The following MICAL3 variants were observed in gnomAD, a reference collection of about 807,000 sequenced individuals.
MICAL3 encodes the protein [F-actin]-monooxygenase MICAL3.
MICAL3 carries 62 observed loss-of-function variants against 207.4 expected under a neutral mutation model. The observed-to-expected ratio is 0.30, with a 90% CI of 0.24 to 0.37. The LOEUF is 0.37. Among genes scored for constraint, MICAL3 ranks in the 10% least tolerant of loss-of-function variants. The pLI, the probability that MICAL3 is intolerant of heterozygous loss-of-function variation, is 1.00. For missense variants in MICAL3, 2,368 were observed against 2,635.6 expected (o/e 0.90, Z 2.22); for synonymous variants, 1,077 against 1,069.3 (o/e 1.01, Z -0.14).
intron 1 of MICAL3, among the ~76,000 whole-genome samples, chr22:17,968,458 C>A (rs149593747): frequency 6.6e-6 from 1 of 152,166 alleles, no homozygotes; most frequent in Non-Finnish European, 1.5e-5. Flanking sequence ...AGACTCAAAC[C>A]GGAGACCTCA....
intron 15 of MICAL3, 63 bp downstream of exon 15, chr22:17,887,107 G>T: frequency 1.6e-6 from 2 of 1,289,548 alleles, no homozygotes; most frequent in Non-Finnish European, 2.2e-6. Flanking sequence ...TGGAAATGAA[G>T]AATTTTAACC....
Position 17,943,422 on chromosome 22 carries a change from C to G in MICAL3, c.-74-36536G>C, listed in dbSNP as rs550209601. ...CAGGTGATCCACCCACCTCAGCCTC[C>G]CAAAGTGCTGGGATTACAGGCATGA... On this transcript the variant is annotated intron_variant, in intron 1 of 31. Coordinates refer to ENST00000441493, the MANE Select transcript of MICAL3 (RefSeq NM_015241.3). 7.2e-5 allele frequency among the ~76,000 whole-genome samples: 11 copies of G among 152,330 alleles called. No homozygotes were observed. In the East Asian group the frequency reaches 1.9e-3, roughly 27 times the overall value.
intron 1 of MICAL3, among the ~76,000 whole-genome samples, chr22:17,982,174 A>G (rs1209880444): frequency 6.6e-6 from 1 of 152,152 alleles, no homozygotes; most frequent in Non-Finnish European, 1.5e-5. Context: ...TCACTACTGA[A>G]TTCCCAGCAT....
chr22:17,810,718 C>T lies in MICAL3; in HGVS notation c.5541G>A (p.Arg1847=), dbSNP rs1218349614. ...ATGGTTTTACCTGGGCTCGATGCAG[C>T]CGCTTAAGCTCCTCCTGCTTGGCCT... The part of the protein sequence containing the change: ...RRQAKQEELK[R]LHRAQIIQRQ... Residue 1847 remains arginine, a synonymous_variant, in exon 28 of 32, where the codon CGG becomes CGA. Coordinates refer to ENST00000441493, the MANE Select transcript of MICAL3 (RefSeq NM_015241.3). 1 of 1,613,960 alleles carries T rather than the reference C, an allele frequency of 6.2e-7. No individual in the cohort carries two copies. The highest frequency in any genetic ancestry group is 8.5e-7 in the Non-Finnish European group (1 of 1,179,834).
chr22:17,967,595 ACATTT>A (rs1935208512), intron 1 of MICAL3, among the ~76,000 whole-genome samples: 1 of 152,176 alleles, frequency 6.6e-6, no homozygotes, highest in Non-Finnish European at 1.5e-5. Context: ...TCAGTTCAAT[ACATTT>A]AAGTACATAT....
chr22:17,917,003 C>A (rs1932566193), intron 1 of MICAL3, among the ~76,000 whole-genome samples: 1 of 152,104 alleles, frequency 6.6e-6, no homozygotes, highest in Non-Finnish European at 1.5e-5. Context: ...AAACATTTTA[C>A]AACAGCCCTT....
At chr22:18,020,952 A>G (rs1924433865) in intron 1 of MICAL3, among the ~76,000 whole-genome samples, 1 of 138,764 alleles carries the variant, frequency 7.2e-6, no homozygotes, top group African/African-American at 2.5e-5. Flanking sequence ...AAATAAATAA[A>G]TAAATAAATA....
chr22:17,993,999 TC>T (rs1432502436), intron 1 of MICAL3, among the ~76,000 whole-genome samples: 4 of 152,134 alleles, frequency 2.6e-5, no homozygotes, highest in Non-Finnish European at 5.9e-5. Flanking sequence ...AAAGCAGGGA[TC>T]ATAACAGCAC....
chr22:17,912,046 G>A (rs1447627829), intron 1 of MICAL3, among the ~76,000 whole-genome samples: 1 of 151,976 alleles, frequency 6.6e-6, no homozygotes, highest in Non-Finnish European at 1.5e-5. Context: ...TGAGGTGCAT[G>A]AGGCTGAAGC....
At chr22:17,809,537 G>A (rs942043864) in intron 28 of MICAL3, among the ~76,000 whole-genome samples, 1 of 152,268 alleles carries the variant, frequency 6.6e-6, no homozygotes, top group Admixed American at 6.5e-5. Context: ...GGGAGGCTGA[G>A]GCAGGAGAAT....
At chr22:17,800,826 T>C (rs2061929388) in intron 29 of MICAL3, among the ~76,000 whole-genome samples, 1 of 152,132 alleles carries the variant, frequency 6.6e-6, no homozygotes, top group Admixed American at 6.5e-5. Flanking sequence ...TGATTTTCCC[T>C]CCAATTAACG....
At chr22:17,913,508 G>A (rs1602208194) in intron 1 of MICAL3, among the ~76,000 whole-genome samples, 2 of 152,034 alleles carry the variant, frequency 1.3e-5, no homozygotes, top group East Asian at 1.9e-4. Context: ...CAGCCTGGGC[G>A]GGCAGTGACA....
At position 17,999,578 on chromosome 22, in the gene MICAL3, A is replaced by G. The variant is rs541219559; in HGVS notation, c.-75+24703T>C. ...GGACTGTGCTAAGTTCTTCACGTACATTATTTCCAAAGCCCATTTTCTCTT... is the reference window on the plus strand; with the variant it reads ...GGACTGTGCTAAGTTCTTCACGTACGTTATTTCCAAAGCCCATTTTCTCTT... On this transcript the variant is annotated intron_variant, in intron 1 of 31. Coordinates refer to ENST00000441493, the MANE Select transcript of MICAL3 (RefSeq NM_015241.3). Among the ~76,000 whole-genome samples, 4 of 152,304 alleles carry G rather than the reference A, an allele frequency of 2.6e-5. No individual in the cohort carries two copies. The South Asian group carries it at 8.3e-4, about 32-fold the overall frequency.
intron 19 of MICAL3, among the ~76,000 whole-genome samples, chr22:17,853,925 A>G (rs9604797): frequency 0.027 from 4,045 of 152,320 alleles, 73 homozygotes; most frequent in African/African-American, 0.034. Context: ...GACGTGTGAG[A>G]AAGCACAGCC....
At chr22:17,988,915 C>A (rs1921339812) in intron 1 of MICAL3, among the ~76,000 whole-genome samples, 1 of 152,184 alleles carries the variant, frequency 6.6e-6, no homozygotes, top group African/African-American at 2.4e-5. Context: ...TGGCTGCCTT[C>A]ACACAACAGC....
intron 17 of MICAL3, among the ~76,000 whole-genome samples, chr22:17,866,667 A>ACAGAACAGAACAGAACAG (rs1491306738): frequency 2.1e-5 from 2 of 96,368 alleles, no homozygotes; most frequent in Admixed American, 1.0e-4. Context: ...ATAGAATAGA[A>ACAGAACAGAACAGAACAG]TATAGAATAG....
intron 20 of MICAL3, chr22:17,840,367 C>A (rs1569089289): frequency 1.3e-5 from 2 of 152,270 alleles, no homozygotes; most frequent in African/African-American, 4.8e-5. Flanking sequence ...GCTGGGATTA[C>A]AGGCATGAGC....
At chr22:18,005,183 C>A (rs1923307791) in intron 1 of MICAL3, 1 of 152,212 alleles carries the variant, frequency 6.6e-6, no homozygotes, top group Non-Finnish European at 1.5e-5. Context: ...GATCCACCTG[C>A]CTCGACTTCC....
chr22:17,875,908 T>C (rs1399638279), intron 16 of MICAL3, among the ~76,000 whole-genome samples: 2 of 152,140 alleles, frequency 1.3e-5, no homozygotes, highest in Non-Finnish European at 2.9e-5. Flanking sequence ...CTCTGTGCTC[T>C]GCCAAGCAAC....
Sources: gnomAD v4.1 joint callset for allele counts (sites outside exome capture counted in the v4.1 genomes callset) on GRCh38, gnomAD v4.1.1 for gene constraint, MANE v1.5 for transcripts, NCBI Gene and HGNC (gene_info 2026-07-23, HGNC 2026-07-21) for gene names.